Variants in ANK3 observed in about 807,000 individuals in gnomAD.
The protein encoded by ANK3 is ankyrin 3.
A neutral mutation model predicts 370.9 loss-of-function variants in ANK3; 57 were observed. The ratio of observed to expected loss-of-function variants is 0.15; its 90% CI spans 0.12 to 0.19. The LOEUF is 0.19. ANK3 is among the 10% of genes least tolerant of loss of function. The pLI, the probability that ANK3 is intolerant of heterozygous loss-of-function variation, is 1.00. For missense variants in ANK3, 4,439 were observed against 5,302.1 expected, an observed-to-expected ratio of 0.84 and a Z score of 5.06; for synonymous variants, 1,929 against 1,946.3, an observed-to-expected ratio of 0.99 and a Z score of 0.23.
chr10:60,363,104 G>A (rs1015229406), intron 1 of ANK3, among the ~76,000 whole-genome samples: 8 of 151,836 alleles, frequency 5.3e-5, no homozygotes, highest in Admixed American at 2.6e-4. Flanking sequence ...GGCGGGGGGC[G>A]CAATACAACA....
At chr10:60,617,767 T>C (rs2078284769) in intron 1 of ANK3, among the ~76,000 whole-genome samples, 1 of 152,214 alleles carries the variant, frequency 6.6e-6, no homozygotes, top group Non-Finnish European at 1.5e-5. Flanking sequence ...TTTCTACCTG[T>C]TTGTTCTTTA....
intron 2 of ANK3, among the ~76,000 whole-genome samples, chr10:60,565,611 A>T (rs1344240500): frequency 6.6e-6 from 1 of 152,124 alleles, no homozygotes; most frequent in Non-Finnish European, 1.5e-5. Context: ...TCACCCCTGC[A>T]CTCTATAGTC....
intron 12 of ANK3, among the ~76,000 whole-genome samples, chr10:60,202,070 G>A (rs185075570): frequency 1.3e-3 from 200 of 151,090 alleles, no homozygotes; most frequent in African/African-American, 4.3e-3. Context: ...TCCAACATGC[G>A]GTACTTTTTA....
chr10:60,147,100 T>A (rs1316726372), intron 23 of ANK3, among the ~76,000 whole-genome samples: 1 of 152,186 alleles, frequency 6.6e-6, no homozygotes, highest in Non-Finnish European at 1.5e-5. Context: ...CTGTGAATAT[T>A]CTGAGAGGTG....
rs2098134021 is a variant in ANK3 at position 60,279,626 on chromosome 10, G to T, written c.128C>A (p.Ala43Glu). The T allele has an allele frequency of 8.7e-6, 14 of 1,610,312 alleles. No homozygotes were observed. Among genetic ancestry groups the T allele is most frequent in the Non-Finnish European group, 1.2e-5 (14 of 1,179,024 alleles). Reference protein sequence around the residue: ...RDRKKKSDANASYLRAARAGH... With the variant: ...RDRKKKSDANESYLRAARAGH... ...AGCTCGAGCTGCTCTTAAGTAACTT[G>T]CATTGGCATCAGACTAAAATAAAAA... The change falls in exon 2 of 44, where the codon GCA becomes GAA. Residue 43 changes from alanine (A) to glutamate (E), a missense_variant. Coordinates refer to ENST00000280772, the MANE Select transcript of ANK3 (RefSeq NM_020987.5).
chr10:60,666,184 T>C (rs1588995285), intron 1 of ANK3, among the ~76,000 whole-genome samples: 1 of 152,118 alleles, frequency 6.6e-6, no homozygotes. Flanking sequence ...GATGAATGGA[T>C]AAATAAAATG....
chr10:60,428,976 T>C (rs192090012), intron 2 of ANK3, among the ~76,000 whole-genome samples: 53 of 152,294 alleles, frequency 3.5e-4, no homozygotes, highest in African/African-American at 1.3e-3. Flanking sequence ...TTTAAATGTC[T>C]ATGTGTTATT....
intron 1 of ANK3, among the ~76,000 whole-genome samples, chr10:60,312,397 A>G (rs1477455742): frequency 1.3e-5 from 2 of 152,212 alleles, no homozygotes; most frequent in Non-Finnish European, 2.9e-5. Context: ...GTTGAATGCT[A>G]GAAATGTCTG....
intron 2 of ANK3, among the ~76,000 whole-genome samples, chr10:60,511,414 A>C (rs2076076994): frequency 6.6e-6 from 1 of 152,166 alleles, no homozygotes; most frequent in African/African-American, 2.4e-5. Context: ...TGAATTCTAC[A>C]AGATTAAAAA....
chr10:60,249,539 T>C (rs1282923041), intron 7 of ANK3, among the ~76,000 whole-genome samples: 1 of 152,266 alleles, frequency 6.6e-6, no homozygotes, highest in African/African-American at 2.4e-5. Flanking sequence ...CTTGAAATTC[T>C]TAGTTTCTCA....
At chr10:60,171,473 C>T (rs887575024) in intron 21 of ANK3, among the ~76,000 whole-genome samples, 2 of 151,948 alleles carry the variant, frequency 1.3e-5, no homozygotes, top group East Asian at 1.9e-4. Context: ...GGAAGGTGGT[C>T]GAAGAGAAAA....
intron 1 of ANK3, among the ~76,000 whole-genome samples, chr10:60,295,301 T>C (rs2042263266): frequency 6.6e-6 from 1 of 152,206 alleles, no homozygotes; most frequent in South Asian, 2.1e-4. Context: ...TTAAACATAC[T>C]GTAGTTAAAT....
At chr10:60,300,648 A>G in intron 1 of ANK3, 1 of 724,768 alleles carries the variant, frequency 1.4e-6, no homozygotes, top group Non-Finnish European at 1.7e-6. Context: ...TACCGAGAAT[A>G]GCAGGGCAAT....
intron 25 of ANK3, among the ~76,000 whole-genome samples, chr10:60,130,190 G>A (rs1020856652): frequency 1.3e-5 from 2 of 152,286 alleles, no homozygotes; most frequent in Admixed American, 1.3e-4. Context: ...ACAGGGGGTG[G>A]AGATGGCTCC....
At chr10:60,334,148 G>T (rs1318138610) in intron 1 of ANK3, among the ~76,000 whole-genome samples, 19 of 152,156 alleles carry the variant, frequency 1.2e-4, no homozygotes, top group Admixed American at 1.2e-3. Flanking sequence ...AATGTCTGCA[G>T]TCTTGAATAT....
rs978312238 is a variant in ANK3, at chr10:60,059,620, C to T, written c.12596-190G>A. ...CCTTTCTCCTGCTGCTCAGAGCTTACTCCTAGTTTTCTAGGCTCTGCTGGT... is the reference window on the plus strand; with the variant it reads ...CCTTTCTCCTGCTGCTCAGAGCTTATTCCTAGTTTTCTAGGCTCTGCTGGT... On this transcript the variant is annotated intron_variant, in intron 40 of 43. Coordinates refer to ENST00000280772, the MANE Select transcript of ANK3 (RefSeq NM_020987.5). 11 of 1,472,180 alleles carry T rather than the reference C, an allele frequency of 7.5e-6. No individual in the cohort carries two copies. In the African/African-American group the frequency reaches 1.5e-4, roughly 21 times the overall value. The allele number at this position is 1,472,180 out of a possible 1,614,324, so 91.2% of individuals were successfully genotyped here.
chr10:60,199,795 C>G (rs1019951910), intron 13 of ANK3, among the ~76,000 whole-genome samples: 2 of 152,002 alleles, frequency 1.3e-5, no homozygotes, highest in East Asian at 3.9e-4. Flanking sequence ...TGTGATTGTT[C>G]TAGAAGCTTT....
At chr10:60,235,712 T>C (rs1488250640) in intron 7 of ANK3, among the ~76,000 whole-genome samples, 1 of 152,140 alleles carries the variant, frequency 6.6e-6, no homozygotes, top group African/African-American at 2.4e-5. Flanking sequence ...CTTATTCTTG[T>C]GTAGCAGCAA....
At position 60,153,933 on chromosome 10, in the gene ANK3, A is replaced by G; in HGVS notation, c.2614+12658T>C. Among the ~76,000 whole-genome samples the G allele has an allele frequency of 2.0e-5, 3 of 152,312 alleles. No individual in the cohort carries two copies. In the South Asian group the frequency reaches 6.2e-4, roughly 32 times the overall value. On this transcript the variant is annotated intron_variant, in intron 23 of 43. Transcript: ENST00000280772. Reference sequence around the variant, plus strand: ...TCTTGCTTCATCTCAGAAACCTGCTAAACTATCCCTTGAGTATGACTTCAT... The same window carrying G: ...TCTTGCTTCATCTCAGAAACCTGCTGAACTATCCCTTGAGTATGACTTCAT...
Sources: gnomAD v4.1 joint callset for allele counts (sites outside exome capture counted in the v4.1 genomes callset) on GRCh38, gnomAD v4.1.1 for gene constraint, MANE v1.5 for transcripts, NCBI Gene and HGNC (gene_info 2026-07-23, HGNC 2026-07-21) for gene names.